SGCZ: variants seen among roughly 807,000 people sequenced by gnomAD.
SGCZ encodes sarcoglycan zeta, also known as zeta-sarcoglycan.
A neutral mutation model predicts 41.3 loss-of-function variants in SGCZ; 40 were observed. The ratio of observed to expected loss-of-function variants is 0.97; its 90% CI spans 0.75 to 1.26. The LOEUF (loss-of-function observed/expected upper bound fraction) is 1.26, where lower values mean the gene tolerates loss of function less well. Among genes scored for constraint, SGCZ ranks in the 50% most tolerant of loss-of-function variants. The probability of loss-of-function intolerance (pLI) is 0.00; values close to 1 mark genes in which losing one functional copy is unlikely to be tolerated. For synonymous variants in SGCZ, 206 were observed against 137.5 expected, an observed-to-expected ratio of 1.50 and a Z score of -3.49; for missense variants, 552 against 369.8, an observed-to-expected ratio of 1.49 and a Z score of -4.04.
rs77415230 is a variant in SGCZ, at chr8:14,145,502, A to C, written c.547+19078T>G. ...AATCCCAGACAGTGGAGACTCTAAC[A>C]AATACCTAACTCTTCAATGCCCAGA... is the stretch of plus-strand genomic sequence containing the variant. On this transcript the variant is annotated intron_variant, in intron 5 of 7. Transcript: ENST00000382080. Among the ~76,000 whole-genome samples the C allele has an allele frequency of 4.0e-3, 615 of 152,280 alleles. 4 individuals are homozygous for C. The highest frequency in any genetic ancestry group is 0.024 in the Middle Eastern group (7 of 294).
At chr8:15,155,449 C>T (rs1376533018) in intron 1 of SGCZ, among the ~76,000 whole-genome samples, 2 of 152,146 alleles carry the variant, frequency 1.3e-5, no homozygotes, top group Admixed American at 6.5e-5. Context: ...CAAAACAATA[C>T]TCCTATCTTG....
intron 2 of SGCZ, among the ~76,000 whole-genome samples, chr8:14,550,537 T>C (rs1028900034): frequency 2.0e-5 from 3 of 152,014 alleles, no homozygotes; most frequent in Non-Finnish European, 4.4e-5. Context: ...GACAGCTGGC[T>C]GTACTACTGC....
chr8:14,805,706 A>G (rs1185064208), intron 1 of SGCZ, among the ~76,000 whole-genome samples: 4 of 151,990 alleles, frequency 2.6e-5, no homozygotes, highest in Admixed American at 2.0e-4. Flanking sequence ...CCAGGAATTG[A>G]ACTCAGCTCT....
At chr8:14,829,603 T>C (rs186691919) in intron 1 of SGCZ, among the ~76,000 whole-genome samples, 1 of 152,184 alleles carries the variant, frequency 6.6e-6, no homozygotes, top group African/African-American at 2.4e-5. Flanking sequence ...TGCCTTAAAC[T>C]GAGATAATTT....
intron 1 of SGCZ, among the ~76,000 whole-genome samples, chr8:14,568,574 TC>T (rs1272775978): frequency 1.3e-5 from 2 of 152,098 alleles, no homozygotes; most frequent in Non-Finnish European, 2.9e-5. Flanking sequence ...GATTATAAAC[TC>T]CTTTGCTTGC....
Position 14,345,506 on chromosome 8 carries a change from A to G in SGCZ, c.235-21302T>C, listed in dbSNP as rs528423672. ...AGGTTATGGAGAAAAGTATAACACA[A>G]CAAACACATTATCTCTGCAGTTATC... On this transcript the variant is annotated intron_variant, in intron 2 of 7. Transcript: ENST00000382080. Among the ~76,000 whole-genome samples the G allele has an allele frequency of 4.6e-5, 7 of 152,236 alleles. No homozygotes were observed. The South Asian group carries it at 1.2e-3, about 27-fold the overall frequency.
chr8:14,800,408 A>C (rs1801284918), intron 1 of SGCZ, among the ~76,000 whole-genome samples: 1 of 152,202 alleles, frequency 6.6e-6, no homozygotes, highest in African/African-American at 2.4e-5. Context: ...GGTGCATATG[A>C]AAATGGAAAG....
At chr8:14,930,415 G>C (rs1799891501) in intron 1 of SGCZ, among the ~76,000 whole-genome samples, 1 of 152,054 alleles carries the variant, frequency 6.6e-6, no homozygotes, top group Admixed American at 6.5e-5. Context: ...AACCATTGTG[G>C]AAGACAGTGT....
intron 1 of SGCZ, among the ~76,000 whole-genome samples, chr8:15,106,216 G>A (rs1284282284): frequency 6.6e-6 from 1 of 151,866 alleles, no homozygotes; most frequent in Non-Finnish European, 1.5e-5. Context: ...GTTGTACATA[G>A]CATTAATAAT....
At chr8:14,138,871 A>G (rs1803282250) in intron 5 of SGCZ, among the ~76,000 whole-genome samples, 1 of 152,196 alleles carries the variant, frequency 6.6e-6, no homozygotes, top group Admixed American at 6.5e-5. Context: ...TCTCCACCCC[A>G]AATCAACAGA....
At chr8:14,508,999 G>C (rs999043718) in intron 2 of SGCZ, among the ~76,000 whole-genome samples, 1 of 151,942 alleles carries the variant, frequency 6.6e-6, no homozygotes, top group Non-Finnish European at 1.5e-5. Flanking sequence ...TCAAATATAA[G>C]GTTTTTTAGT....
intron 2 of SGCZ, among the ~76,000 whole-genome samples, chr8:14,512,577 A>G (rs977496132): frequency 2.6e-5 from 4 of 152,068 alleles, no homozygotes; most frequent in African/African-American, 9.7e-5. Context: ...CTCCTGCCTC[A>G]GCCTCCAGAG....
chr8:14,607,949 G>T (rs1251032231), intron 1 of SGCZ, among the ~76,000 whole-genome samples: 1 of 152,170 alleles, frequency 6.6e-6, no homozygotes, highest in Non-Finnish European at 1.5e-5. Context: ...TGTTACTGCT[G>T]TAAAAGACAA....
chr8:14,485,832 A>ACTTTTT (rs1801655988), intron 2 of SGCZ, among the ~76,000 whole-genome samples: 1 of 50,498 alleles, frequency 2.0e-5, no homozygotes, highest in Non-Finnish European at 4.2e-5. Flanking sequence ...TCTCTAGAAC[A>ACTTTTT]ATTTTTTTTT....
chr8:14,933,862 G>T (rs2130809712), intron 1 of SGCZ, among the ~76,000 whole-genome samples: 1 of 152,032 alleles, frequency 6.6e-6, no homozygotes, highest in Admixed American at 6.5e-5. Context: ...TAAATATTTT[G>T]ATCACCATTT....
intron 1 of SGCZ, among the ~76,000 whole-genome samples, chr8:14,716,499 A>T (rs962537263): frequency 6.6e-6 from 1 of 152,128 alleles, no homozygotes; most frequent in Non-Finnish European, 1.5e-5. Context: ...AGTTTTGTTT[A>T]GAAGACACTG....
intron 3 of SGCZ, among the ~76,000 whole-genome samples, chr8:14,273,448 A>G (rs1800124213): frequency 6.6e-6 from 1 of 152,126 alleles, no homozygotes; most frequent in South Asian, 2.1e-4. Context: ...TGGACAAACA[A>G]TTCAACTCCT....
intron 1 of SGCZ, among the ~76,000 whole-genome samples, chr8:15,129,776 C>T (rs925108954): frequency 6.8e-6 from 1 of 147,606 alleles, no homozygotes; most frequent in South Asian, 2.2e-4. Flanking sequence ...TTAAATGGAA[C>T]TCTCTTTGCA....
intron 1 of SGCZ, among the ~76,000 whole-genome samples, chr8:15,063,310 G>A (rs1316492855): frequency 2.0e-5 from 3 of 152,084 alleles, no homozygotes; most frequent in African/African-American, 7.2e-5. Context: ...ATCCAGGAAT[G>A]TGATTGGTTA....
Sources: allele counts gnomAD v4.1 joint callset (sites outside exome capture counted in the v4.1 genomes callset), GRCh38; gene constraint gnomAD v4.1.1; transcripts MANE v1.5; gene names NCBI Gene and HGNC (gene_info 2026-07-23, HGNC 2026-07-21).